UBE3C: variants seen among roughly 807,000 people sequenced by gnomAD.
UBE3C encodes ubiquitin protein ligase E3C.
In UBE3C, 42 loss-of-function variants were observed where a neutral mutation model predicts 129.4. That is an observed-to-expected ratio of 0.32 (90% CI 0.25 to 0.42). The LOEUF (loss-of-function observed/expected upper bound fraction) is 0.42, where lower values mean the gene tolerates loss of function less well. Ranked by LOEUF, UBE3C falls within the 10% of genes least tolerant of loss-of-function variation. UBE3C has a pLI of 1.00. For synonymous variants in UBE3C, 510 were observed against 492.4 expected, an observed-to-expected ratio of 1.04 and a Z score of -0.47; for missense variants, 1,049 against 1,319.1, an observed-to-expected ratio of 0.80 and a Z score of 3.17.
At chr7:157,250,083 G>T (rs1235254577) in intron 19 of UBE3C, among the ~76,000 whole-genome samples, 1 of 152,336 alleles carries the variant, frequency 6.6e-6, no homozygotes, top group African/African-American at 2.4e-5. Flanking sequence ...ACCCTGTGTG[G>T]TGAGAACAGG....
At chr7:157,177,090 A>G (rs889392950) in intron 5 of UBE3C, among the ~76,000 whole-genome samples, 1 of 152,144 alleles carries the variant, frequency 6.6e-6, no homozygotes, top group African/African-American at 2.4e-5. Context: ...TATATATTTC[A>G]CTTTAGAAGA....
chr7:157,261,199 G>A (rs997748078), intron 22 of UBE3C, among the ~76,000 whole-genome samples: 16 of 150,590 alleles, frequency 1.1e-4, no homozygotes, highest in Non-Finnish European at 2.1e-4. Flanking sequence ...CCAGCTACTT[G>A]GGAGGCTGAG....
At chr7:157,175,916 G>T (rs1380649586) in intron 5 of UBE3C, among the ~76,000 whole-genome samples, 3 of 152,030 alleles carry the variant, frequency 2.0e-5, no homozygotes, top group Non-Finnish European at 2.9e-5. Flanking sequence ...TAGGGTTTGT[G>T]GTCCACATAT....
At chr7:157,169,564 C>T (rs1055016831) in intron 3 of UBE3C, among the ~76,000 whole-genome samples, 5 of 151,956 alleles carry the variant, frequency 3.3e-5, no homozygotes, top group Non-Finnish European at 5.9e-5. Flanking sequence ...TTAGTAGAGT[C>T]GGTGTTTTGC....
At chr7:157,212,769 GTTTTTC>G (rs1465502893) in intron 13 of UBE3C, among the ~76,000 whole-genome samples, 1 of 151,678 alleles carries the variant, frequency 6.6e-6, no homozygotes, top group Non-Finnish European at 1.5e-5. Context: ...TTTGTTTTTT[GTTTTTC>G]TTTTTGAGAC....
intron 18 of UBE3C, among the ~76,000 whole-genome samples, chr7:157,233,855 G>A (rs746002720): frequency 1.5e-4 from 23 of 152,212 alleles, no homozygotes; most frequent in Non-Finnish European, 2.2e-4. Flanking sequence ...ATCGTTGTCA[G>A]CACTTACTTA....
chr7:157,212,955 A>G (rs1349600069), intron 13 of UBE3C, among the ~76,000 whole-genome samples: 1 of 151,930 alleles, frequency 6.6e-6, no homozygotes, highest in African/African-American at 2.4e-5. Context: ...ATAGGGTTTC[A>G]CCATGTTACC....
intron 2 of UBE3C, among the ~76,000 whole-genome samples, chr7:157,166,398 C>G (rs1217048516): frequency 6.6e-6 from 1 of 152,150 alleles, no homozygotes. Flanking sequence ...ATTTTTCTGA[C>G]TTCTTTGTAT....
intron 18 of UBE3C, among the ~76,000 whole-genome samples, chr7:157,242,640 G>A (rs76600876): frequency 4.0e-5 from 6 of 151,146 alleles, no homozygotes; most frequent in African/African-American, 1.5e-4. Flanking sequence ...TGCTACTTTA[G>A]CGAACTTCCT....
chr7:157,262,758 T>C (rs1249991967), intron 22 of UBE3C, among the ~76,000 whole-genome samples: 5 of 152,102 alleles, frequency 3.3e-5, no homozygotes, highest in Non-Finnish European at 5.9e-5. Context: ...CTTACTAGTT[T>C]TACCCTTAAC....
intron 6 of UBE3C, among the ~76,000 whole-genome samples, chr7:157,180,534 G>GT (rs1470851835): frequency 1.3e-5 from 2 of 152,102 alleles, no homozygotes; most frequent in African/African-American, 4.8e-5. Flanking sequence ...GTGTAGGACT[G>GT]TTTCAAAAAC....
intron 18 of UBE3C, among the ~76,000 whole-genome samples, chr7:157,240,214 C>T (rs1399515833): frequency 6.6e-6 from 1 of 152,074 alleles, no homozygotes; most frequent in Non-Finnish European, 1.5e-5. Flanking sequence ...ACCACCACGC[C>T]CGGCTAATTT....
In UBE3C at chr7:157,182,158, C is replaced by G. The variant is rs753023273; in HGVS notation, c.821C>G (p.Thr274Arg). The change falls in exon 8 of 23, where the codon ACA (threonine) becomes AGA (arginine). Residue 274 changes from threonine to arginine, a missense_variant. Transcript: ENST00000348165. ...GAGGAGTTTCTGGCAGCACCTTTTA[C>G]AGATCAGATTTTTCATTTCATCATT... is the stretch of plus-strand genomic sequence containing the variant. ...FTEEFLAAPFTDQIFHFIIPA... is the reference protein window; with the variant it reads ...FTEEFLAAPFRDQIFHFIIPA... 6 of 1,610,718 alleles carry G rather than the reference C, an allele frequency of 3.7e-6. No individual in the cohort carries two copies.
intron 1 of UBE3C, among the ~76,000 whole-genome samples, chr7:157,158,763 C>T (rs1422133596): frequency 6.6e-6 from 1 of 152,180 alleles, no homozygotes; most frequent in East Asian, 1.9e-4. Context: ...CCCATGGGGA[C>T]GTTTTTTTTC....
intron 22 of UBE3C, among the ~76,000 whole-genome samples, chr7:157,258,240 C>T (rs1237425235): frequency 6.6e-6 from 1 of 152,222 alleles, no homozygotes; most frequent in Non-Finnish European, 1.5e-5. Context: ...AGCCACCACA[C>T]CATGCCCAGC....
intron 22 of UBE3C, among the ~76,000 whole-genome samples, chr7:157,260,083 T>C (rs1796857915): frequency 6.8e-6 from 1 of 146,362 alleles, no homozygotes; most frequent in Non-Finnish European, 1.5e-5. Context: ...CTCAATGATA[T>C]CAGTAGAAAT....
At chr7:157,181,712 G>GAT in intron 7 of UBE3C, 41 bp downstream of exon 7, 1 of 1,595,126 alleles carries the variant, frequency 6.3e-7, no homozygotes, top group Non-Finnish European at 8.5e-7. Context: ...CCTTTCACAA[G>GAT]ATCTATATCT....
chr7:157,181,519 G>T lies in UBE3C; in HGVS notation c.618G>T (p.Gly206=), dbSNP rs746618098. The T allele has an allele frequency of 9.4e-6, 15 of 1,591,198 alleles. No homozygotes were observed. Among genetic ancestry groups the T allele is most frequent in the Non-Finnish European group, 1.2e-5 (14 of 1,172,786 alleles). The change falls in exon 7 of 23, where the codon GGG becomes GGT. Residue 206 remains glycine (G), a splice_region_variant and synonymous_variant. Coordinates refer to ENST00000348165, the MANE Select transcript of UBE3C (RefSeq NM_014671.3). ...EQILHYMIHN[G]YYRSLYLLIN... ...TTAAATATGTGTTTTTCCTTTTAGGGTATTATAGGTCTCTATATTTGTTGA... is the reference window on the plus strand; with the variant it reads ...TTAAATATGTGTTTTTCCTTTTAGGTTATTATAGGTCTCTATATTTGTTGA...
At chr7:157,174,852 A>G in intron 4 of UBE3C, 67 bp from the exon 5 acceptor site, 1 of 1,208,560 alleles carries the variant, frequency 8.3e-7, no homozygotes. Flanking sequence ...AATTTGGGGT[A>G]TTATGTAAAT....
Sources: gnomAD v4.1 joint callset for allele counts (sites outside exome capture counted in the v4.1 genomes callset) on GRCh38, gnomAD v4.1.1 for gene constraint, MANE v1.5 for transcripts, NCBI Gene and HGNC (gene_info 2026-07-23, HGNC 2026-07-21) for gene names.